The following HS6ST3 variants were observed in gnomAD, a reference collection of about 807,000 sequenced individuals.
The protein encoded by HS6ST3 is heparan sulfate 6-O-sulfotransferase 3, also known as heparan-sulfate 6-O-sulfotransferase 3.
HS6ST3 carries 12 observed loss-of-function variants against 36.7 expected under a neutral mutation model. That is an observed-to-expected ratio of 0.33 (90% CI 0.21 to 0.53). HS6ST3 has a LOEUF of 0.53. Ranked by LOEUF, HS6ST3 falls within the 20% of genes least tolerant of loss-of-function variation. The pLI is 0.95. For synonymous variants in HS6ST3, 240 were observed against 257.5 expected, an observed-to-expected ratio of 0.93 and a Z score of 0.65; for missense variants, 584 against 640.9, an observed-to-expected ratio of 0.91 and a Z score of 0.96.
intron 1 of HS6ST3, among the ~76,000 whole-genome samples, chr13:96,128,057 C>T (rs1454753570): frequency 6.6e-6 from 1 of 152,122 alleles, no homozygotes; most frequent in Admixed American, 6.5e-5. Context: ...TCAAAGGCTT[C>T]GTGAATTGCT....
intron 1 of HS6ST3, among the ~76,000 whole-genome samples, chr13:96,747,025 A>G (rs114383677): frequency 0.011 from 1,670 of 151,284 alleles, 33 homozygotes; most frequent in African/African-American, 0.037. Context: ...CTGCGAGACT[A>G]TTTTTTTTTC....
chr13:96,596,044 C>T (rs1448378772), intron 1 of HS6ST3, among the ~76,000 whole-genome samples: 1 of 152,074 alleles, frequency 6.6e-6, no homozygotes, highest in Non-Finnish European at 1.5e-5. Flanking sequence ...TACCTGTCAA[C>T]CAAATAGTGT....
chr13:96,357,978 G>A (rs866604528), intron 1 of HS6ST3, among the ~76,000 whole-genome samples: 1 of 152,174 alleles, frequency 6.6e-6, no homozygotes, highest in Admixed American at 6.6e-5. Context: ...GAGACACAAA[G>A]TGAGCAGGTG....
chr13:96,324,705 G>A (rs900103805), intron 1 of HS6ST3, among the ~76,000 whole-genome samples: 4 of 152,168 alleles, frequency 2.6e-5, no homozygotes, highest in Non-Finnish European at 5.9e-5. Flanking sequence ...TGAACACAGA[G>A]ACACATACAG....
At chr13:96,531,627 T>G (rs907451212) in intron 1 of HS6ST3, among the ~76,000 whole-genome samples, 3 of 152,206 alleles carry the variant, frequency 2.0e-5, no homozygotes, top group African/African-American at 7.2e-5. Context: ...CCATCTTCAT[T>G]TCCTCACCTG....
intron 1 of HS6ST3, among the ~76,000 whole-genome samples, chr13:96,273,344 GAC>G (rs1387580090): frequency 6.6e-6 from 1 of 151,966 alleles, no homozygotes; most frequent in Non-Finnish European, 1.5e-5. Flanking sequence ...TTTCCCTCTT[GAC>G]TGTGTGACTG....
chr13:96,296,084 T>C (rs370190933), intron 1 of HS6ST3, among the ~76,000 whole-genome samples: 1 of 152,146 alleles, frequency 6.6e-6, no homozygotes, highest in Non-Finnish European at 1.5e-5. Flanking sequence ...TAAAATTCAG[T>C]TTTGCATTCG....
chr13:96,761,185 G>A (rs1192072777), intron 1 of HS6ST3, among the ~76,000 whole-genome samples: 1 of 151,494 alleles, frequency 6.6e-6, no homozygotes, highest in Non-Finnish European at 1.5e-5. Context: ...CACAATCTCG[G>A]CTCACTGCAG....
At chr13:96,357,915 T>C (rs2055218045) in intron 1 of HS6ST3, among the ~76,000 whole-genome samples, 2 of 152,138 alleles carry the variant, frequency 1.3e-5, no homozygotes, top group South Asian at 4.1e-4. Flanking sequence ...ATAATAGATA[T>C]AATAATGATT....
intron 1 of HS6ST3, among the ~76,000 whole-genome samples, chr13:96,690,587 A>G (rs187151361): frequency 2.0e-5 from 3 of 152,252 alleles, no homozygotes; most frequent in African/African-American, 4.8e-5. Context: ...TGACTCTGGC[A>G]TCTTGTAATA....
intron 1 of HS6ST3, among the ~76,000 whole-genome samples, chr13:96,541,665 G>A (rs2056178376): frequency 6.6e-6 from 1 of 152,160 alleles, no homozygotes; most frequent in Non-Finnish European, 1.5e-5. Flanking sequence ...AGAAGCTTCT[G>A]AAAATGGGAT....
At chr13:96,481,462 A>C (rs2055889683) in intron 1 of HS6ST3, among the ~76,000 whole-genome samples, 1 of 152,156 alleles carries the variant, frequency 6.6e-6, no homozygotes, top group Non-Finnish European at 1.5e-5. Context: ...TTAAGAGTAG[A>C]AAAACAAGAC....
chr13:96,406,492 T>C (rs1018015947), intron 1 of HS6ST3, among the ~76,000 whole-genome samples: 7 of 152,200 alleles, frequency 4.6e-5, no homozygotes, highest in Non-Finnish European at 1.0e-4. Flanking sequence ...TCATCTTGCA[T>C]TGGAACTTTG....
At chr13:96,266,344 T>C (rs963455166) in intron 1 of HS6ST3, among the ~76,000 whole-genome samples, 4 of 152,062 alleles carry the variant, frequency 2.6e-5, no homozygotes, top group African/African-American at 9.7e-5. Flanking sequence ...TATGCAGAGA[T>C]TGGAGAATCA....
intron 1 of HS6ST3, among the ~76,000 whole-genome samples, chr13:96,570,960 G>A (rs1350422131): frequency 6.6e-6 from 1 of 152,154 alleles, no homozygotes; most frequent in African/African-American, 2.4e-5. Context: ...GTGGATGAGA[G>A]AAGGAAGGAT....
chr13:96,528,331 G>A (rs374380421), intron 1 of HS6ST3, among the ~76,000 whole-genome samples: 2 of 152,236 alleles, frequency 1.3e-5, no homozygotes, highest in South Asian at 4.1e-4. Context: ...CACTTCAAAA[G>A]TGAGCCTATT....
chr13:96,621,077 A>G (rs1211189445), intron 1 of HS6ST3, among the ~76,000 whole-genome samples: 1 of 152,184 alleles, frequency 6.6e-6, no homozygotes, highest in East Asian at 1.9e-4. Flanking sequence ...CCTGCATTGA[A>G]CAAGGATCTG....
chr13:96,361,745 A>G (rs1482305087), intron 1 of HS6ST3, among the ~76,000 whole-genome samples: 1 of 152,212 alleles, frequency 6.6e-6, no homozygotes, highest in Non-Finnish European at 1.5e-5. Flanking sequence ...AACAAAACTC[A>G]GTTTCTCCAT....
intron 1 of HS6ST3, among the ~76,000 whole-genome samples, chr13:96,404,905 G>A (rs919186106): frequency 9.9e-5 from 15 of 152,278 alleles, no homozygotes; most frequent in African/African-American, 2.2e-4. Flanking sequence ...TTATGGGGGC[G>A]GATCTTTCCT....
Sources: gnomAD v4.1 joint callset for allele counts (sites outside exome capture counted in the v4.1 genomes callset) on GRCh38, gnomAD v4.1.1 for gene constraint, MANE v1.5 for transcripts, NCBI Gene and HGNC (gene_info 2026-07-23, HGNC 2026-07-21) for gene names.